Variants in DPYD observed in about 807,000 individuals in gnomAD.
DPYD encodes the protein dihydropyrimidine dehydrogenase [NADP(+)].
Under a neutral mutation model 116.2 loss-of-function variants are expected in DPYD, and 109 were observed. The ratio of observed to expected loss-of-function variants is 0.94; its 90% CI spans 0.80 to 1.10. The LOEUF (loss-of-function observed/expected upper bound fraction) is 1.10, where lower values mean the gene tolerates loss of function less well. DPYD is among the 50% of genes least tolerant of loss of function. The probability of loss-of-function intolerance (pLI) is 0.00; values close to 1 mark genes in which losing one functional copy is unlikely to be tolerated. For missense variants in DPYD, 1,302 were observed against 1,254.5 expected (o/e 1.04, Z -0.57); for synonymous variants, 440 against 432.0 (o/e 1.02, Z -0.23).
chr1:97,688,011 G>C (rs919502003), intron 7 of DPYD, among the ~76,000 whole-genome samples: 2 of 152,116 alleles, frequency 1.3e-5, no homozygotes, highest in African/African-American at 2.4e-5. Flanking sequence ...AGGATAATTA[G>C]CTAATGCATG....
chr1:97,703,959 G>A (rs1661751499), intron 5 of DPYD, among the ~76,000 whole-genome samples: 1 of 151,958 alleles, frequency 6.6e-6, no homozygotes, highest in South Asian at 2.1e-4. Flanking sequence ...GCTGGCTTCA[G>A]CACACTATTG....
intron 10 of DPYD, among the ~76,000 whole-genome samples, chr1:97,578,390 C>A (rs72732334): frequency 1.3e-5 from 2 of 152,016 alleles, no homozygotes; most frequent in African/African-American, 4.8e-5. Flanking sequence ...AAGCCAAAAC[C>A]GCACTGGGCA....
rs1028279329 is a variant in DPYD at position 97,516,205 on chromosome 1, G to A, written c.1525-264C>T. Reference sequence around the variant, plus strand: ...AACAACTGTATTTAAAACATACTGAGATTCAAATACAAAAGGGAATAATTT... The same window carrying A: ...AACAACTGTATTTAAAACATACTGAAATTCAAATACAAAAGGGAATAATTT... On this transcript the variant is annotated intron_variant, in intron 12 of 22. Coordinates refer to ENST00000370192, the MANE Select transcript of DPYD (RefSeq NM_000110.4). Among the ~76,000 whole-genome samples the A allele has an allele frequency of 2.0e-5, 3 of 151,990 alleles. No individual in the cohort carries two copies. The East Asian group carries it at 5.8e-4, about 30-fold the overall frequency.
At chr1:97,448,869 T>A (rs970894941) in intron 14 of DPYD, among the ~76,000 whole-genome samples, 3 of 152,106 alleles carry the variant, frequency 2.0e-5, no homozygotes, top group African/African-American at 7.2e-5. Context: ...ATTTGTCCTA[T>A]GTGCATGTAT....
intron 12 of DPYD, chr1:97,546,507 T>C (rs1650878137): frequency 6.2e-7 from 1 of 1,601,346 alleles, no homozygotes; most frequent in Non-Finnish European, 8.6e-7. Context: ...ACAAAGATGA[T>C]GAAGCAGAGT....
intron 19 of DPYD, among the ~76,000 whole-genome samples, chr1:97,208,216 CTTTG>C (rs1259958099): frequency 7.0e-6 from 1 of 143,764 alleles, no homozygotes; most frequent in Non-Finnish European, 1.5e-5. Context: ...TCTTCTTTCT[CTTTG>C]TTTCTTTTCT....
chr1:97,477,642 C>T (rs1678053294), intron 13 of DPYD, among the ~76,000 whole-genome samples: 1 of 133,298 alleles, frequency 7.5e-6, no homozygotes. Context: ...AAGACGGAGT[C>T]TCGCTCTGTC....
intron 14 of DPYD, among the ~76,000 whole-genome samples, chr1:97,415,471 GCCA>G (rs1264859770): frequency 1.3e-5 from 2 of 152,176 alleles, no homozygotes; most frequent in Non-Finnish European, 1.5e-5. Context: ...GGGATTACAG[GCCA>G]CCGTGCCCAG....
intron 20 of DPYD, among the ~76,000 whole-genome samples, chr1:97,150,899 G>A (rs1026563839): frequency 6.6e-6 from 1 of 152,046 alleles, no homozygotes; most frequent in Admixed American, 6.6e-5. Flanking sequence ...AATGACAAAT[G>A]TTTTTCATTG....
chr1:97,601,569 G>C lies in DPYD; in HGVS notation c.851-6403C>G, dbSNP rs145990965. Among the ~76,000 whole-genome samples the C allele has an allele frequency of 7.2e-5, 11 of 152,054 alleles. No homozygotes were observed. The East Asian group carries it at 1.5e-3, about 21-fold the overall frequency. Reference sequence around the variant, plus strand: ...TATGGAAGTAAAATATTCCTTTCAAGTGTCTAACTAAGCATGTCGCAGTTC... The same window carrying C: ...TATGGAAGTAAAATATTCCTTTCAACTGTCTAACTAAGCATGTCGCAGTTC... On this transcript the variant is annotated intron_variant, in intron 8 of 22. Coordinates refer to ENST00000370192, the MANE Select transcript of DPYD (RefSeq NM_000110.4).
At chr1:97,258,885 C>T (rs1663689713) in intron 18 of DPYD, among the ~76,000 whole-genome samples, 1 of 152,016 alleles carries the variant, frequency 6.6e-6, no homozygotes, top group African/African-American at 2.4e-5. Context: ...TAAGTCAAGC[C>T]TATATAAGAT....
At chr1:97,794,375 C>A (rs746965671) in intron 3 of DPYD, among the ~76,000 whole-genome samples, 2 of 151,376 alleles carry the variant, frequency 1.3e-5, no homozygotes, top group African/African-American at 4.8e-5. Context: ...ACAAGCCGAC[C>A]AAAAAAAATA....
At chr1:97,586,891 G>C (rs948339941) in intron 10 of DPYD, among the ~76,000 whole-genome samples, 1 of 151,984 alleles carries the variant, frequency 6.6e-6, no homozygotes, top group Admixed American at 6.6e-5. Flanking sequence ...AAAATTTTCA[G>C]TATAGAGCTG....
chr1:97,277,931 T>C (rs1271195527), intron 18 of DPYD, among the ~76,000 whole-genome samples: 2 of 152,210 alleles, frequency 1.3e-5, no homozygotes, highest in Non-Finnish European at 2.9e-5. Context: ...CCTATTCAAC[T>C]TACTTCACAC....
intron 19 of DPYD, among the ~76,000 whole-genome samples, chr1:97,205,806 G>A (rs1355945659): frequency 6.6e-6 from 1 of 152,048 alleles, no homozygotes; most frequent in Non-Finnish European, 1.5e-5. Context: ...TACTGCTGGA[G>A]TCTGGCTGCT....
At chr1:97,543,386 C>T (rs1290766441) in intron 12 of DPYD, among the ~76,000 whole-genome samples, 1 of 152,182 alleles carries the variant, frequency 6.6e-6, no homozygotes, top group Non-Finnish European at 1.5e-5. Flanking sequence ...TTAAGTGAAG[C>T]TCTCCTCAGA....
chr1:97,596,309 G>C (rs889647391), intron 8 of DPYD, among the ~76,000 whole-genome samples: 25 of 152,118 alleles, frequency 1.6e-4, no homozygotes, highest in Non-Finnish European at 2.9e-4. Context: ...AGATCATTTA[G>C]AGTGGTGGTA....
intron 13 of DPYD, among the ~76,000 whole-genome samples, chr1:97,507,692 C>T (rs1236530422): frequency 6.6e-6 from 1 of 151,946 alleles, no homozygotes; most frequent in African/African-American, 2.4e-5. Context: ...TTAGCATTTA[C>T]AGTCCTGACA....
At chr1:97,194,726 A>G (rs1658627377) in intron 19 of DPYD, among the ~76,000 whole-genome samples, 2 of 151,900 alleles carry the variant, frequency 1.3e-5, no homozygotes, top group African/African-American at 2.4e-5. Flanking sequence ...GATGGCCTCA[A>G]TCTCTTGACT....
Sources: allele counts gnomAD v4.1 joint callset (sites outside exome capture counted in the v4.1 genomes callset), GRCh38; gene constraint gnomAD v4.1.1; transcripts MANE v1.5; gene names NCBI Gene and HGNC (gene_info 2026-07-23, HGNC 2026-07-21).